Variants in MCU observed in about 807,000 individuals in gnomAD.
MCU encodes the protein calcium uniporter protein, mitochondrial.
In MCU, 12 loss-of-function variants were observed where a neutral mutation model predicts 45.2. That is an observed-to-expected ratio of 0.27 (90% CI 0.17 to 0.43). The LOEUF (loss-of-function observed/expected upper bound fraction) is 0.43. Ranked by LOEUF, MCU falls within the 20% of genes least tolerant of loss-of-function variation. MCU has a pLI of 1.00. For missense variants in MCU, 324 were observed against 436.7 expected (o/e 0.74, Z 2.30); for synonymous variants, 160 against 165.1 (o/e 0.97, Z 0.24).
chr10:72,812,711 C>G (rs931497237), intron 1 of MCU, among the ~76,000 whole-genome samples: 1 of 152,164 alleles, frequency 6.6e-6, no homozygotes, highest in African/African-American at 2.4e-5. Context: ...AACTTTCTAT[C>G]CTTACAGAAG....
chr10:72,820,706 TTGGCCAGGC>T (rs1326122151), intron 1 of MCU, among the ~76,000 whole-genome samples: 1 of 152,138 alleles, frequency 6.6e-6, no homozygotes, highest in Non-Finnish European at 1.5e-5. Flanking sequence ...GGGACGGGGT[TTGGCCAGGC>T]TGGCCAGGCT....
intron 1 of MCU, among the ~76,000 whole-genome samples, chr10:72,789,862 A>G (rs1413590838): frequency 6.6e-6 from 1 of 152,160 alleles, no homozygotes; most frequent in East Asian, 1.9e-4. Context: ...TCCTCTTTTA[A>G]AGGCATTTCA....
chr10:72,733,991 G>A (rs578236420), intron 1 of MCU, among the ~76,000 whole-genome samples: 82 of 152,120 alleles, frequency 5.4e-4, no homozygotes, highest in African/African-American at 1.9e-3. Flanking sequence ...GTCCAAGAAG[G>A]AAAGAAAAAC....
At chr10:72,832,321 T>C (rs1844890370) in intron 1 of MCU, among the ~76,000 whole-genome samples, 1 of 152,226 alleles carries the variant, frequency 6.6e-6, no homozygotes, top group African/African-American at 2.4e-5. Flanking sequence ...TTAATTAAAG[T>C]ATGTAGGCTA....
rs1214094061 is a variant in MCU, at chr10:72,871,368, G to C, written c.658-9G>C. On this transcript the variant is annotated splice_polypyrimidine_tract_variant and intron_variant, in intron 5 of 7. Coordinates refer to ENST00000373053, the MANE Select transcript of MCU (RefSeq NM_138357.3). ...GTCAAAATGCCTTATGATTATGTGTGCCCAATAGGTACGAATTGAGATTAG... is the reference window on the plus strand; with the variant it reads ...GTCAAAATGCCTTATGATTATGTGTCCCCAATAGGTACGAATTGAGATTAG... The C allele has an allele frequency of 6.2e-7, 1 of 1,613,514 alleles. No individual in the cohort carries two copies. The highest frequency in any genetic ancestry group is 2.2e-5 in the East Asian group (1 of 44,884).
rs1190842793 is a variant in MCU, at chr10:72,850,983, A to ATT, written c.221-8193_221-8192dup. Among the ~76,000 whole-genome samples the ATT allele has an allele frequency of 3.3e-5, 5 of 152,316 alleles. No individual in the cohort carries two copies. The East Asian group carries it at 9.6e-4, about 29-fold the overall frequency. On this transcript the variant is annotated intron_variant, in intron 2 of 7. Coordinates refer to ENST00000373053, the MANE Select transcript of MCU (RefSeq NM_138357.3). ...GTGACTTCGCTACAGCCAGCTGTTT[A>ATT]TTGTTTATATTGTGAAACTTGAGGA...
chr10:72,817,121 T>C (rs191857403), intron 1 of MCU, among the ~76,000 whole-genome samples: 1 of 152,202 alleles, frequency 6.6e-6, no homozygotes, highest in Non-Finnish European at 1.5e-5. Flanking sequence ...GTCCAGAATT[T>C]CTGTGGCATC....
At chr10:72,777,148 G>A (rs1843907509) in intron 1 of MCU, among the ~76,000 whole-genome samples, 1 of 152,162 alleles carries the variant, frequency 6.6e-6, no homozygotes, top group African/African-American at 2.4e-5. Flanking sequence ...TACAGATTCA[G>A]TGCAATCCCT....
At chr10:72,697,149 C>G (rs1564531407) in intron 1 of MCU, among the ~76,000 whole-genome samples, 1 of 152,152 alleles carries the variant, frequency 6.6e-6, no homozygotes. Flanking sequence ...TGGAGTGTTG[C>G]TCTGTTGCCC....
rs760388938 is a variant in MCU at position 72,861,656 on chromosome 10, A to ATT, written c.496+1148_496+1149dup. ...GCCACTATGCCCAGCCGCCAGGCTA[A>ATT]TTTTTTTTTTTTTTTTTTTTAGTAG... On this transcript the variant is annotated intron_variant, in intron 4 of 7. Transcript: ENST00000373053. 6.3e-3 allele frequency: 2,054 copies of ATT among 328,082 alleles called. 5 individuals carry two copies. Among genetic ancestry groups the ATT allele is most frequent in the African/African-American group, 0.012 (445 of 38,468 alleles). The allele number at this position is 328,082 out of a possible 1,614,324, so 20.3% of individuals were successfully genotyped here.
At chr10:72,739,348 G>A (rs539990597) in intron 1 of MCU, among the ~76,000 whole-genome samples, 6 of 152,266 alleles carry the variant, frequency 3.9e-5, no homozygotes, top group South Asian at 2.1e-4. Context: ...CTGGAATCTC[G>A]TTAAATTGTA....
intron 1 of MCU, among the ~76,000 whole-genome samples, chr10:72,698,302 A>G (rs371113098): frequency 6.6e-6 from 1 of 152,240 alleles, no homozygotes; most frequent in African/African-American, 2.4e-5. Context: ...GATGTTATCA[A>G]TGAAATGCTC....
intron 1 of MCU, among the ~76,000 whole-genome samples, chr10:72,765,799 A>G (rs1470667270): frequency 6.6e-6 from 1 of 151,432 alleles, no homozygotes; most frequent in Non-Finnish European, 1.5e-5. Context: ...AAAAAAAAAA[A>G]AAAAAAAAAG....
chr10:72,862,451 C>A (rs1845393680), intron 4 of MCU, among the ~76,000 whole-genome samples: 1 of 152,134 alleles, frequency 6.6e-6, no homozygotes, highest in East Asian at 1.9e-4. Flanking sequence ...TTTCCACTGA[C>A]AGTGGGGGCG....
intron 1 of MCU, among the ~76,000 whole-genome samples, chr10:72,748,800 A>G (rs144920929): frequency 6.6e-6 from 1 of 152,336 alleles, no homozygotes. Flanking sequence ...AATAATTATA[A>G]TTTGAAACCT....
At chr10:72,865,276 G>A (rs1254918753) in intron 4 of MCU, among the ~76,000 whole-genome samples, 7 of 152,184 alleles carry the variant, frequency 4.6e-5, no homozygotes, top group Admixed American at 4.6e-4. Context: ...TATCTACCTT[G>A]CTTCTCTAGA....
At chr10:72,696,378 A>C (rs1182316615) in intron 1 of MCU, among the ~76,000 whole-genome samples, 5 of 151,814 alleles carry the variant, frequency 3.3e-5, no homozygotes, top group African/African-American at 1.2e-4. Context: ...TTAAATGGAG[A>C]CAGATTCAAT....
chr10:72,821,326 T>G (rs1243876300), intron 1 of MCU, among the ~76,000 whole-genome samples: 1 of 152,138 alleles, frequency 6.6e-6, no homozygotes, highest in African/African-American at 2.4e-5. Context: ...AAAATGTAAT[T>G]AAGTAATCAG....
At chr10:72,804,098 AT>A (rs35746180) in intron 1 of MCU, among the ~76,000 whole-genome samples, 54,053 of 93,114 alleles carry the variant, frequency 0.58, 17,609 homozygotes, top group Non-Finnish European at 0.68. Context: ...AACAATTTAC[AT>A]TTTTTTTTTT....
Sources: gnomAD v4.1 joint callset for allele counts (sites outside exome capture counted in the v4.1 genomes callset) on GRCh38, gnomAD v4.1.1 for gene constraint, MANE v1.5 for transcripts, NCBI Gene and HGNC (gene_info 2026-07-23, HGNC 2026-07-21) for gene names.